Variants in DYNC1I1 observed in about 807,000 individuals in gnomAD.
DYNC1I1 encodes the protein dynein cytoplasmic 1 intermediate chain 1, also known as cytoplasmic dynein 1 intermediate chain 1.
In DYNC1I1, 43 loss-of-function variants were observed where a neutral mutation model predicts 86.6. That is an observed-to-expected ratio of 0.50 (90% CI 0.39 to 0.64). DYNC1I1 has a LOEUF of 0.64. DYNC1I1 is among the 30% of genes least tolerant of loss of function. DYNC1I1 has a pLI of 0.00. For missense variants in DYNC1I1, 604 were observed against 788.8 expected (o/e 0.77, Z 2.81); for synonymous variants, 262 against 283.7 (o/e 0.92, Z 0.77).
chr7:95,904,601 ATATG>A (rs1488153169), intron 6 of DYNC1I1, among the ~76,000 whole-genome samples: 2 of 134,468 alleles, frequency 1.5e-5, no homozygotes, highest in South Asian at 2.6e-4. Flanking sequence ...GTAAAAATAC[ATATG>A]TATGTATACA....
chr7:95,835,920 T>G (rs1240859525), intron 5 of DYNC1I1, among the ~76,000 whole-genome samples: 2 of 152,230 alleles, frequency 1.3e-5, no homozygotes, highest in African/African-American at 2.4e-5. Context: ...TCTTGACTCT[T>G]TATCCAATTT....
chr7:95,796,578 T>G (rs1386688696), intron 1 of DYNC1I1, among the ~76,000 whole-genome samples: 1 of 152,134 alleles, frequency 6.6e-6, no homozygotes, highest in African/African-American at 2.4e-5. Flanking sequence ...AATCATAGTT[T>G]GTGGAATTTT....
At chr7:96,036,083 C>G (rs1331890529) in intron 13 of DYNC1I1, among the ~76,000 whole-genome samples, 2 of 152,202 alleles carry the variant, frequency 1.3e-5, no homozygotes, top group Non-Finnish European at 2.9e-5. Context: ...TTTCTTATCC[C>G]TCCATGCCTC....
chr7:96,046,052 A>G (rs1789204176), intron 14 of DYNC1I1, among the ~76,000 whole-genome samples: 1 of 152,176 alleles, frequency 6.6e-6, no homozygotes, highest in Non-Finnish European at 1.5e-5. Flanking sequence ...ACGTTTCATC[A>G]TTAACCACTG....
At position 95,913,844 on chromosome 7, in the gene DYNC1I1, C is replaced by T. The variant is rs758284792; in HGVS notation, c.490+43846C>T. Among the ~76,000 whole-genome samples the T allele has an allele frequency of 4.6e-5, 7 of 152,302 alleles. 1 individual carries two copies. The South Asian group carries it at 1.4e-3, about 32-fold the overall frequency. On this transcript the variant is annotated intron_variant, in intron 6 of 16. Coordinates refer to ENST00000447467, the MANE Select transcript of DYNC1I1 (RefSeq NM_001135556.2). ...GTAGTTGTGCTTCCTAATCTTTTTG[C>T]ATTAATATCAGAGTATTTGCATGGA...
intron 5 of DYNC1I1, among the ~76,000 whole-genome samples, chr7:95,852,400 T>C (rs192411156): frequency 2.2e-4 from 33 of 152,144 alleles, no homozygotes; most frequent in Admixed American, 2.0e-4. Flanking sequence ...CTTTTTTCCT[T>C]AGTTAGCCCA....
At chr7:95,980,625 C>T (rs1477543336) in intron 7 of DYNC1I1, among the ~76,000 whole-genome samples, 5 of 131,500 alleles carry the variant, frequency 3.8e-5, no homozygotes, top group Non-Finnish European at 6.2e-5. Context: ...TACTCACTAA[C>T]TTTTGACATT....
At chr7:95,801,762 G>A (rs746660401) in intron 1 of DYNC1I1, among the ~76,000 whole-genome samples, 2 of 152,104 alleles carry the variant, frequency 1.3e-5, no homozygotes, top group Admixed American at 6.5e-5. Flanking sequence ...ATGACTTCTG[G>A]AATTCCTGCC....
chr7:95,975,519 A>G (rs1308400486), intron 6 of DYNC1I1, among the ~76,000 whole-genome samples: 2 of 152,120 alleles, frequency 1.3e-5, no homozygotes, highest in Non-Finnish European at 2.9e-5. Context: ...CCCTTTTTAT[A>G]ATGGCACCAG....
chr7:95,909,727 C>T (rs562382074), intron 6 of DYNC1I1, among the ~76,000 whole-genome samples: 25 of 152,130 alleles, frequency 1.6e-4, no homozygotes, highest in Non-Finnish European at 3.1e-4. Context: ...GAAAACTCAA[C>T]AGTGTACATT....
intron 5 of DYNC1I1, among the ~76,000 whole-genome samples, chr7:95,829,836 G>A (rs1398813435): frequency 2.0e-5 from 3 of 151,944 alleles, no homozygotes; most frequent in Admixed American, 6.6e-5. Flanking sequence ...AATACAAACC[G>A]ATATACCCCA....
At position 96,076,057 on chromosome 7, in the gene DYNC1I1, C is replaced by T; in HGVS notation, c.1510C>T (p.His504Tyr). 1.2e-6 allele frequency: 2 copies of T among 1,613,472 alleles called. No individual in the cohort carries two copies. Among genetic ancestry groups the T allele is most frequent in the South Asian group, 1.1e-5 (1 of 91,008 alleles). The change falls in exon 15 of 17, where the codon CAC becomes TAC. Residue 504 changes from histidine to tyrosine, a missense_variant and splice_region_variant. His to Tyr is a moderately conservative substitution (Grantham distance 83, BLOSUM62 2). Coordinates refer to ENST00000447467, the MANE Select transcript of DYNC1I1 (RefSeq NM_001135556.2). The stretch of plus-strand genomic sequence containing the variant: ...TCTTCACGGTCTCTCTGCTTTACAG[C>T]ACAACAAGCCGCTCTACTCCTTTGA... ...DWTVKLWTTK[H>Y]NKPLYSFEDN...
intron 8 of DYNC1I1, among the ~76,000 whole-genome samples, 185 bp from the exon 9 acceptor site, chr7:95,986,871 T>C (rs1479567805): frequency 1.3e-5 from 2 of 152,026 alleles, no homozygotes; most frequent in Non-Finnish European, 2.9e-5. Flanking sequence ...CCAGGTCAGG[T>C]TAGAAAGAGC....
At chr7:95,908,293 A>G (rs1235302413) in intron 6 of DYNC1I1, among the ~76,000 whole-genome samples, 1 of 152,138 alleles carries the variant, frequency 6.6e-6, no homozygotes, top group East Asian at 1.9e-4. Context: ...CAAATGAGCT[A>G]TTTTTCCACA....
intron 5 of DYNC1I1, among the ~76,000 whole-genome samples, chr7:95,862,413 C>T (rs1584104202): frequency 6.6e-6 from 1 of 151,856 alleles, no homozygotes; most frequent in East Asian, 1.9e-4. Context: ...GGCATGTTCT[C>T]CAAAGAAGAT....
At chr7:96,073,788 A>G (rs567207400) in intron 14 of DYNC1I1, among the ~76,000 whole-genome samples, 6 of 152,330 alleles carry the variant, frequency 3.9e-5, no homozygotes, top group Non-Finnish European at 8.8e-5. Flanking sequence ...AGTGGGAATA[A>G]TCTTCTACTG....
At chr7:95,960,812 C>A (rs1470394391) in intron 6 of DYNC1I1, among the ~76,000 whole-genome samples, 2 of 152,182 alleles carry the variant, frequency 1.3e-5, no homozygotes, top group African/African-American at 4.8e-5. Flanking sequence ...CCAGAGCAGG[C>A]ACCAATCCAG....
intron 6 of DYNC1I1, among the ~76,000 whole-genome samples, chr7:95,904,445 T>G (rs990572467): frequency 6.6e-6 from 1 of 152,076 alleles, no homozygotes; most frequent in African/African-American, 2.4e-5. Flanking sequence ...GAGAAATTGG[T>G]CAGATTATTT....
intron 5 of DYNC1I1, among the ~76,000 whole-genome samples, chr7:95,843,485 TATC>T (rs1789345170): frequency 6.6e-6 from 1 of 152,218 alleles, no homozygotes; most frequent in African/African-American, 2.4e-5. Flanking sequence ...CTCCCTCATG[TATC>T]ACTGTTCCTC....
Sources: gnomAD v4.1 joint callset for allele counts (sites outside exome capture counted in the v4.1 genomes callset) on GRCh38, gnomAD v4.1.1 for gene constraint, MANE v1.5 for transcripts, NCBI Gene and HGNC (gene_info 2026-07-23, HGNC 2026-07-21) for gene names.